Variants in DPYSL5 observed in about 807,000 individuals in gnomAD.
The protein encoded by DPYSL5 is dihydropyrimidinase like 5, also known as dihydropyrimidinase-related protein 5.
In DPYSL5, 9 loss-of-function variants were observed where a neutral mutation model predicts 58.4. The observed-to-expected ratio is 0.15, with a 90% CI of 0.09 to 0.27. DPYSL5 has a LOEUF of 0.27. DPYSL5 is among the 10% of genes least tolerant of loss of function. The probability of loss-of-function intolerance (pLI) is 1.00; values close to 1 mark genes in which losing one functional copy is unlikely to be tolerated. For synonymous variants in DPYSL5, 293 were observed against 301.9 expected (o/e 0.97, Z 0.31); for missense variants, 499 against 770.6 (o/e 0.65, Z 4.17).
intron 6 of DPYSL5, among the ~76,000 whole-genome samples, chr2:26,932,021 A>AG (rs1665003696): frequency 7.3e-6 from 1 of 137,028 alleles, no homozygotes; most frequent in African/African-American, 2.7e-5. Context: ...AAAAAAAAAA[A>AG]AAAAGAAAGA....
chr2:26,882,090 CAAA>C (rs752138649), intron 1 of DPYSL5, among the ~76,000 whole-genome samples: 31 of 41,056 alleles, frequency 7.6e-4, no homozygotes, highest in African/African-American at 2.0e-3. Flanking sequence ...GACTCCATCT[CAAA>C]AAAAAAAAAA....
intron 1 of DPYSL5, among the ~76,000 whole-genome samples, chr2:26,858,871 G>A (rs1665945073): frequency 6.6e-6 from 1 of 151,872 alleles, no homozygotes; most frequent in Non-Finnish European, 1.5e-5. Context: ...ACCACACCTG[G>A]CCTAATTTTG....
intron 8 of DPYSL5, chr2:26,938,312 A>C (rs180824952): frequency 5.3e-5 from 8 of 152,210 alleles, no homozygotes; most frequent in African/African-American, 1.9e-4. Flanking sequence ...CCTGCCCTTC[A>C]TGACTGCAGT....
chr2:26,912,214 G>A (rs1664457309), intron 2 of DPYSL5, among the ~76,000 whole-genome samples: 2 of 152,194 alleles, frequency 1.3e-5, no homozygotes, highest in East Asian at 1.9e-4. Context: ...AGAAAGCAGC[G>A]TCCCAGAGAG....
chr2:26,928,704 T>TATATATATATACACACACAC, intron 5 of DPYSL5, among the ~76,000 whole-genome samples: 3 of 62,996 alleles, frequency 4.8e-5, no homozygotes, highest in African/African-American at 1.9e-4. Context: ...TATATATATA[T>TATATATATATACACACACAC]ACACACACAC....
rs1478530991 is a variant in DPYSL5, at chr2:26,925,562, A to T, written c.420+517A>T. Among the ~76,000 whole-genome samples the T allele has an allele frequency of 3.3e-5, 5 of 152,248 alleles. No individual in the cohort carries two copies. The highest frequency in any genetic ancestry group is 6.5e-5 in the Admixed American group (1 of 15,292). On this transcript the variant is annotated intron_variant, in intron 3 of 12. Coordinates refer to ENST00000288699, the MANE Select transcript of DPYSL5 (RefSeq NM_020134.4). The surrounding 1 kb of genome is among the most constrained non-coding windows in gnomAD (Gnocchi z 4.5). ...GGGCCCAGCTTCTGCTCTGAGAAGC[A>T]TCGAGGCTGTCCTGGTCTGTGACTG...
chr2:26,927,563 G>T lies in DPYSL5; in HGVS notation c.600+131G>T, dbSNP rs1201675290. The T allele has an allele frequency of 8.8e-7, 1 of 1,135,940 alleles. No homozygotes were observed. Among genetic ancestry groups the T allele is most frequent in the Non-Finnish European group, 1.2e-6 (1 of 821,134 alleles). 70.4% of individuals were successfully genotyped at this position (1,135,940 alleles called of 1,614,324 possible). The stretch of plus-strand genomic sequence containing the variant: ...ATCAGTTGTTAAAGTGTGAGGTGTG[G>T]ACACCCCAGCTGTCAGATCTTGGTC... On this transcript the variant is annotated intron_variant, in intron 4 of 12. Transcript: ENST00000288699. The surrounding 1 kb of genome is among the most constrained non-coding windows in gnomAD (Gnocchi z 4.3).
intron 2 of DPYSL5, among the ~76,000 whole-genome samples, chr2:26,900,922 T>G (rs1424668516): frequency 2.0e-5 from 3 of 152,102 alleles, no homozygotes; most frequent in Non-Finnish European, 4.4e-5. Flanking sequence ...TTTTCCACAT[T>G]GTCATCTGCT....
intron 8 of DPYSL5, chr2:26,939,363 C>T (rs549246147): frequency 1.3e-5 from 2 of 152,438 alleles, no homozygotes; most frequent in South Asian, 4.1e-4. Context: ...TGATCTCGAA[C>T]TCCTGGCCTC....
At chr2:26,862,545 G>A (rs993926873) in intron 1 of DPYSL5, among the ~76,000 whole-genome samples, 1 of 152,162 alleles carries the variant, frequency 6.6e-6, no homozygotes, top group African/African-American at 2.4e-5. Context: ...TATTGTCCAC[G>A]TTTTCCTGGC....
At chr2:26,946,833 G>T in intron 12 of DPYSL5, 77 bp from the exon 13 acceptor site, 2 of 1,119,178 alleles carry the variant, frequency 1.8e-6, no homozygotes, top group Non-Finnish European at 1.3e-6. Context: ...CACACAGTGA[G>T]CCTCCAGGAG....
chr2:26,918,209 G>T (rs1031109243), intron 2 of DPYSL5, among the ~76,000 whole-genome samples: 1 of 151,922 alleles, frequency 6.6e-6, no homozygotes, highest in Non-Finnish European at 1.5e-5. Flanking sequence ...CAGCTGCATG[G>T]GCGACATGCC....
chr2:26,933,471 C>T lies in DPYSL5; in HGVS notation c.790+138C>T, dbSNP rs191957087. 3.7e-5 allele frequency: 28 copies of T among 750,652 alleles called. No homozygotes were observed. The highest frequency in any genetic ancestry group is 6.2e-5 in the Admixed American group (3 of 48,046). 46.5% of individuals were successfully genotyped at this position (750,652 alleles called of 1,614,324 possible). A position where few individuals can be genotyped will look rare whatever the true frequency, so the allele number is the denominator to read the frequency against. ...CCAGCCCTTCCCTTTCATCTGCCAC[C>T]GTCTTCCTCAGAGCTGCCCTGTGCT... On this transcript the variant is annotated intron_variant, in intron 7 of 12. Coordinates refer to ENST00000288699, the MANE Select transcript of DPYSL5 (RefSeq NM_020134.4). This position sits in a 1 kb window ranked among gnomAD's most constrained non-coding sequence, Gnocchi z 4.2.
intron 1 of DPYSL5, among the ~76,000 whole-genome samples, chr2:26,888,613 T>C (rs761297893): frequency 6.6e-6 from 1 of 152,162 alleles, no homozygotes; most frequent in Non-Finnish European, 1.5e-5. Context: ...ACTGTCTGGA[T>C]TTTTTCCCAT....
intron 1 of DPYSL5, among the ~76,000 whole-genome samples, chr2:26,881,465 C>T (rs1442391344): frequency 1.3e-5 from 2 of 152,144 alleles, no homozygotes; most frequent in Non-Finnish European, 2.9e-5. Context: ...AGCTGGGTTC[C>T]ATTAGTCATG....
chr2:26,929,094 T>C (rs1294479139), intron 5 of DPYSL5, among the ~76,000 whole-genome samples: 1 of 152,120 alleles, frequency 6.6e-6, no homozygotes, highest in African/African-American at 2.4e-5. Flanking sequence ...ACCTCCTGTC[T>C]GATCAGTGGT....
intron 1 of DPYSL5, among the ~76,000 whole-genome samples, chr2:26,884,520 T>TCTCACACACACACACACA (rs35489206): frequency 2.1e-5 from 3 of 145,634 alleles, no homozygotes; most frequent in Admixed American, 1.4e-4. Flanking sequence ...TTGTCCTATC[T>TCTCACACACACACACACA]CACACACACA....
intron 1 of DPYSL5, among the ~76,000 whole-genome samples, chr2:26,873,084 T>C (rs755396356): frequency 5.3e-5 from 8 of 152,206 alleles, no homozygotes; most frequent in Non-Finnish European, 1.2e-4. Context: ...CTAGGAAGCT[T>C]AGTGCTAAAT....
Position 26,927,479 on chromosome 2 carries a change from CA to C in DPYSL5, c.600+48del. On this transcript the variant is annotated intron_variant, in intron 4 of 12. Transcript: ENST00000288699. The surrounding 1 kb of genome is among the most constrained non-coding windows in gnomAD (Gnocchi z 4.3). ...TTGGATGGAGGGACACCAGTGGAGA[CA>C]GTTAGTTCTCAGGGGATTCCTGACC... 1 of 1,593,650 alleles carries C rather than the reference CA, an allele frequency of 6.3e-7. No homozygotes were observed. Among genetic ancestry groups the C allele is most frequent in the Non-Finnish European group, 8.6e-7 (1 of 1,167,870 alleles).
Sources: gnomAD v4.1 joint callset for allele counts (sites outside exome capture counted in the v4.1 genomes callset) on GRCh38, gnomAD v4.1.1 for gene constraint, Gnocchi (gnomAD v3.1) non-coding constraint, MANE v1.5 for transcripts, NCBI Gene and HGNC (gene_info 2026-07-23, HGNC 2026-07-21) for gene names.